Variants in GALNT17 observed in about 807,000 individuals in gnomAD.
GALNT17 encodes the protein UDP-GalNAc:polypeptide N-acetylgalactosaminyltransferase-like 3.
Under a neutral mutation model 63.7 loss-of-function variants are expected in GALNT17, and 29 were observed. That is an observed-to-expected ratio of 0.46 (90% confidence interval 0.34 to 0.62). The LOEUF is 0.62. Among genes scored for constraint, GALNT17 ranks in the 20% least tolerant of loss-of-function variants. GALNT17 has a pLI of 0.01. For synonymous variants in GALNT17, 305 were observed against 318.3 expected (o/e 0.96, Z 0.45); for missense variants, 603 against 799.6 (o/e 0.75, Z 2.97).
At chr7:71,367,608 A>G (rs2116258343) in intron 2 of GALNT17, among the ~76,000 whole-genome samples, 1 of 152,306 alleles carries the variant, frequency 6.6e-6, no homozygotes, top group South Asian at 2.1e-4. Flanking sequence ...CGGGAAATTG[A>G]GAAATCAGAT....
chr7:71,437,565 A>T (rs2116507539), intron 5 of GALNT17, among the ~76,000 whole-genome samples: 1 of 152,308 alleles, frequency 6.6e-6, no homozygotes, highest in South Asian at 2.1e-4. Context: ...TCCACAGCTG[A>T]CTGCTGCCTT....
At chr7:71,207,883 A>G (rs1156779879) in intron 1 of GALNT17, among the ~76,000 whole-genome samples, 1 of 151,852 alleles carries the variant, frequency 6.6e-6, no homozygotes, top group Admixed American at 6.6e-5. Flanking sequence ...ATTTAGAGCC[A>G]CTGATGTATA....
In GALNT17 at chr7:71,442,629, C is replaced by T. The variant is rs79455289; in HGVS notation, c.962+21524C>T. On this transcript the variant is annotated intron_variant, in intron 5 of 10. Transcript: ENST00000333538. ...TCTAAAAATAGCTTCTGCTACCAGG[C>T]ACGCAGAGAGTCAGGGGTAATTGAC... Among the ~76,000 whole-genome samples, 1,251 of 152,320 alleles carry T rather than the reference C, an allele frequency of 8.2e-3. 14 individuals are homozygous for T. Among genetic ancestry groups the T allele is most frequent in the African/African-American group, 0.029 (1,199 of 41,572 alleles).
chr7:71,151,619 C>CA (rs368161640), intron 1 of GALNT17, among the ~76,000 whole-genome samples: 2,365 of 118,972 alleles, frequency 0.02, 67 homozygotes, highest in African/African-American at 0.07. Context: ...GACTCCATCT[C>CA]AAAAAAAAGA....
intron 1 of GALNT17, among the ~76,000 whole-genome samples, chr7:71,234,811 G>A (rs1478179621): frequency 1.3e-5 from 2 of 152,124 alleles, no homozygotes; most frequent in African/African-American, 4.8e-5. Context: ...CCTGAATTTG[G>A]GGACTGGAGA....
intron 1 of GALNT17, among the ~76,000 whole-genome samples, chr7:71,176,786 C>T (rs1049522216): frequency 1.3e-5 from 2 of 152,152 alleles, no homozygotes; most frequent in African/African-American, 4.8e-5. Flanking sequence ...ATGTGGCCTT[C>T]AGTATTTGCT....
chr7:71,592,240 C>A (rs1022933148), intron 6 of GALNT17, among the ~76,000 whole-genome samples: 1 of 152,122 alleles, frequency 6.6e-6, no homozygotes, highest in Admixed American at 6.6e-5. Flanking sequence ...CCAGGCCAAG[C>A]GATGCAGAGA....
At position 71,482,079 on chromosome 7, in the gene GALNT17, A is replaced by ATGTGTGTGTG. The variant is rs371371505; in HGVS notation, c.962+60975_962+60976insGTGTGTGTGT. On this transcript the variant is annotated intron_variant, in intron 5 of 10. Coordinates refer to ENST00000333538, the MANE Select transcript of GALNT17 (RefSeq NM_022479.3). ...TTGATGTATAGGTATACATATATGT[A>ATGTGTGTGTG]TATGTGTGTGTGTGTGTGTGTGTGT... is the stretch of plus-strand genomic sequence containing the variant. 9.5e-3 allele frequency among the ~76,000 whole-genome samples: 1,297 copies of ATGTGTGTGTG among 136,856 alleles called. 6 individuals carry two copies. The highest frequency in any genetic ancestry group is 0.031 in the East Asian group (107 of 3,430). The allele number at this position is 136,856 out of a possible 152,430, so 89.8% of individuals were successfully genotyped here. A position where few individuals can be genotyped will look rare whatever the true frequency, so the allele number is the denominator to read the frequency against.
intron 6 of GALNT17, among the ~76,000 whole-genome samples, chr7:71,630,520 A>G (rs976971498): frequency 2.0e-5 from 3 of 152,182 alleles, no homozygotes; most frequent in Admixed American, 2.0e-4. Context: ...TATGGTGGCC[A>G]AGGACACTCA....
rs1554338085 is a variant in GALNT17, at chr7:71,201,241, T to TATATATATATATA, written c.238+68201_238+68202insATATATATATATA. Among the ~76,000 whole-genome samples, 331 of 138,412 alleles carry TATATATATATATA rather than the reference T, an allele frequency of 2.4e-3. 10 individuals are homozygous for TATATATATATATA. The highest frequency in any genetic ancestry group is 8.6e-3 in the African/African-American group (306 of 35,416). 90.8% of individuals were successfully genotyped at this position (138,412 alleles called of 152,430 possible). ...TGTATGGGGGTGTGTGTGTTTATTTTTATATATATATATATAATTTGTGTG... is the reference window on the plus strand; with the variant it reads ...TGTATGGGGGTGTGTGTGTTTATTTTATATATATATATATATATATATATATATAATTTGTGTG... On this transcript the variant is annotated intron_variant, in intron 1 of 10. Coordinates refer to ENST00000333538, the MANE Select transcript of GALNT17 (RefSeq NM_022479.3).
At chr7:71,669,725 C>A (rs1196904522) in intron 7 of GALNT17, among the ~76,000 whole-genome samples, 2 of 151,892 alleles carry the variant, frequency 1.3e-5, no homozygotes, top group Non-Finnish European at 2.9e-5. Flanking sequence ...CCATGCCCAG[C>A]TAATTTTTTG....
chr7:71,186,431 G>C (rs1304207219), intron 1 of GALNT17, among the ~76,000 whole-genome samples: 1 of 152,178 alleles, frequency 6.6e-6, no homozygotes. Context: ...GCTGAGCGGG[G>C]CCTCTGCCTC....
At chr7:71,616,346 A>G (rs898223241) in intron 6 of GALNT17, among the ~76,000 whole-genome samples, 1 of 150,502 alleles carries the variant, frequency 6.6e-6, no homozygotes, top group African/African-American at 2.4e-5. Flanking sequence ...CCTCAACCTC[A>G]CCTTTTGTTG....
At chr7:71,251,986 C>T (rs1274920546) in intron 1 of GALNT17, among the ~76,000 whole-genome samples, 5 of 152,118 alleles carry the variant, frequency 3.3e-5, no homozygotes, top group South Asian at 2.1e-4. Flanking sequence ...CATTCAGCCT[C>T]GGGCTGTGAT....
At chr7:71,248,105 TG>T (rs1009197348) in intron 1 of GALNT17, among the ~76,000 whole-genome samples, 39 of 152,278 alleles carry the variant, frequency 2.6e-4, no homozygotes, top group African/African-American at 8.4e-4. Flanking sequence ...TCCGCATGTC[TG>T]GGGAGGCCTC....
intron 5 of GALNT17, 29 bp downstream of exon 5, chr7:71,421,134 A>G (rs759085286): frequency 1.4e-5 from 22 of 1,611,962 alleles, no homozygotes; most frequent in East Asian, 2.2e-5. Context: ...CTGGCGGCCA[A>G]CGAGCCCCCA....
At chr7:71,464,962 CAAA>C (rs973861555) in intron 5 of GALNT17, among the ~76,000 whole-genome samples, 1 of 152,100 alleles carries the variant, frequency 6.6e-6, no homozygotes, top group African/African-American at 2.4e-5. Context: ...GGAGATCCAG[CAAA>C]CTGAGAAGAT....
chr7:71,167,661 G>T (rs1230057882), intron 1 of GALNT17, among the ~76,000 whole-genome samples: 1 of 152,040 alleles, frequency 6.6e-6, no homozygotes, highest in East Asian at 1.9e-4. Flanking sequence ...AAAACGCCTT[G>T]TCATGGAGGT....
intron 6 of GALNT17, among the ~76,000 whole-genome samples, chr7:71,594,965 G>A (rs1789864508): frequency 6.6e-6 from 1 of 152,186 alleles, no homozygotes; most frequent in African/African-American, 2.4e-5. Context: ...GAAGTCATTA[G>A]GGCTGGCCCT....
Sources: allele counts gnomAD v4.1 joint callset (sites outside exome capture counted in the v4.1 genomes callset), GRCh38; gene constraint gnomAD v4.1.1; transcripts MANE v1.5; gene names NCBI Gene and HGNC (gene_info 2026-07-23, HGNC 2026-07-21).